The following SLMAP variants were observed in gnomAD, a reference collection of about 807,000 sequenced individuals.
SLMAP encodes sarcolemmal membrane-associated protein.
SLMAP carries 44 observed loss-of-function variants against 128.8 expected under a neutral mutation model. That is an observed-to-expected ratio of 0.34 (90% CI 0.27 to 0.44). The LOEUF is 0.44. Ranked by LOEUF, SLMAP falls within the 20% of genes least tolerant of loss-of-function variation. SLMAP has a pLI of 1.00. For missense variants in SLMAP, 787 were observed against 985.3 expected (o/e 0.80, Z 2.69); for synonymous variants, 327 against 348.8 (o/e 0.94, Z 0.70).
intron 17 of SLMAP, chr3:57,897,179 C>T: frequency 8.9e-7 from 1 of 1,124,452 alleles, no homozygotes. Context: ...ATATGAAATG[C>T]AGCTGTGTTT....
intron 2 of SLMAP, among the ~76,000 whole-genome samples, chr3:57,805,696 G>T (rs1189060852): frequency 6.6e-6 from 1 of 151,958 alleles, no homozygotes; most frequent in Admixed American, 6.6e-5. Flanking sequence ...CCCTATAGTC[G>T]CAAGTTCTCT....
At chr3:57,920,038 TGGAAAA>T (rs2096888193) in intron 22 of SLMAP, among the ~76,000 whole-genome samples, 1 of 151,928 alleles carries the variant, frequency 6.6e-6, no homozygotes, top group Non-Finnish European at 1.5e-5. Context: ...GTAAGAATGG[TGGAAAA>T]GGAAAGTAAG....
chr3:57,862,354 T>C (rs1467984145), intron 10 of SLMAP, among the ~76,000 whole-genome samples: 1 of 150,544 alleles, frequency 6.6e-6, no homozygotes, highest in Non-Finnish European at 1.5e-5. Flanking sequence ...CAAAAAACAG[T>C]TTGGGCCAGG....
At chr3:57,799,142 G>C (rs1486953357) in intron 2 of SLMAP, among the ~76,000 whole-genome samples, 1 of 152,178 alleles carries the variant, frequency 6.6e-6, no homozygotes, top group Non-Finnish European at 1.5e-5. Flanking sequence ...AAAGGTAGGA[G>C]TTTGCCACAG....
At chr3:57,914,442 A>G (rs1487140555) in intron 21 of SLMAP, among the ~76,000 whole-genome samples, 1 of 152,170 alleles carries the variant, frequency 6.6e-6, no homozygotes, top group Non-Finnish European at 1.5e-5. Context: ...ATTGTTTATA[A>G]GATGTAAAAA....
At chr3:57,914,124 G>T (rs1261740625) in intron 21 of SLMAP, among the ~76,000 whole-genome samples, 2 of 152,164 alleles carry the variant, frequency 1.3e-5, no homozygotes, top group African/African-American at 2.4e-5. Context: ...ATCAGTGAAT[G>T]CATTAGATTT....
At chr3:57,839,936 C>T (rs2093842602) in intron 3 of SLMAP, among the ~76,000 whole-genome samples, 1 of 152,288 alleles carries the variant, frequency 6.6e-6, no homozygotes, top group East Asian at 1.9e-4. Context: ...GATCTGCCCA[C>T]CTCAGCCTAC....
chr3:57,846,968 G>A (rs904302146), intron 4 of SLMAP, among the ~76,000 whole-genome samples: 7 of 152,112 alleles, frequency 4.6e-5, no homozygotes, highest in Non-Finnish European at 8.8e-5. Flanking sequence ...ATACATTTTG[G>A]ATTTGGAATT....
chr3:57,829,641 A>G (rs1032118291), intron 2 of SLMAP, among the ~76,000 whole-genome samples: 1 of 152,252 alleles, frequency 6.6e-6, no homozygotes, highest in Non-Finnish European at 1.5e-5. Context: ...TTTCTAATTA[A>G]TCGTCTGTAA....
At chr3:57,915,952 T>G (rs2153696764) in intron 21 of SLMAP, among the ~76,000 whole-genome samples, 1 of 152,130 alleles carries the variant, frequency 6.6e-6, no homozygotes, top group African/African-American at 2.4e-5. Context: ...AGGTCAGAAG[T>G]TCAACACCAG....
chr3:57,793,896 T>TA (rs76713113), intron 2 of SLMAP, among the ~76,000 whole-genome samples: 3,147 of 130,312 alleles, frequency 0.024, 108 homozygotes, highest in African/African-American at 0.071. Context: ...CTATCTTTCT[T>TA]AAAAAAAAAA....
chr3:57,891,974 A>T (rs2096085058), intron 15 of SLMAP, among the ~76,000 whole-genome samples: 1 of 152,194 alleles, frequency 6.6e-6, no homozygotes, highest in South Asian at 2.1e-4. Flanking sequence ...AGGGTCCATT[A>T]ATAAGGGTAT....
In SLMAP at chr3:57,757,641, G is replaced by A; in HGVS notation, c.-11G>A. ...GTCCCTGGTAGGAGAGACACCCCCA[G>A]TCTATCCTCGATGCCGTCAGCCTTG... On this transcript the variant is annotated 5_prime_UTR_variant, in exon 2 of 25. Transcript: ENST00000671191. 1 of 1,613,670 alleles carries A rather than the reference G, an allele frequency of 6.2e-7. No homozygotes were observed. Among genetic ancestry groups the A allele is most frequent in the Non-Finnish European group, 8.5e-7 (1 of 1,179,906 alleles).
intron 21 of SLMAP, among the ~76,000 whole-genome samples, chr3:57,913,680 G>A (rs2096747470): frequency 6.6e-6 from 1 of 152,130 alleles, no homozygotes; most frequent in Non-Finnish European, 1.5e-5. Flanking sequence ...TGTAAGGCTG[G>A]GCGTGGTGGT....
Position 57,871,675 on chromosome 3 carries a change from T to A in SLMAP, c.1277T>A (p.Ile426Asn). The change falls in exon 14 of 25, where the codon ATT (isoleucine) becomes AAT (asparagine). Residue 426 changes from isoleucine (I) to asparagine (N), a missense_variant. Physicochemically the swap from Ile to Asn is moderately radical, Grantham distance 149 (BLOSUM62 -3). Transcript: ENST00000671191. ...LSKSGGDCTFIHQFIECQKKL... is the reference protein window; with the variant it reads ...LSKSGGDCTFNHQFIECQKKL... ...AAGAGTGGCGGGGACTGCACTTTTA[T>A]TCATCAATTCATAGAATGCCAGAGT... The A allele has an allele frequency of 3.1e-6, 5 of 1,612,702 alleles. No homozygotes were observed. Among genetic ancestry groups the A allele is most frequent in the Non-Finnish European group, 4.2e-6 (5 of 1,178,854 alleles).
chr3:57,849,804 T>A lies in SLMAP; in HGVS notation c.507T>A (p.Ser169=). 6.4e-7 allele frequency: 1 copy of A among 1,550,624 alleles called. No homozygotes were observed. Among genetic ancestry groups the A allele is most frequent in the Non-Finnish European group, 8.9e-7 (1 of 1,122,158 alleles). The change falls in exon 6 of 25, where the codon TCT becomes TCA. Residue 169 remains serine, a synonymous_variant. Transcript: ENST00000671191. ...SMYSQELFQL[S]QYLQEALHRE... The stretch of plus-strand genomic sequence containing the variant: ...ACTCTCAGGAACTATTCCAGCTTTC[T>A]CAGTATCTACAGGTAAAAGTACATC...
chr3:57,868,462 G>C (rs2153611176), intron 13 of SLMAP, among the ~76,000 whole-genome samples: 1 of 150,102 alleles, frequency 6.7e-6, no homozygotes, highest in Non-Finnish European at 1.5e-5. Context: ...GTGGTGGCAT[G>C]TGCCTGTAAT....
intron 19 of SLMAP, among the ~76,000 whole-genome samples, chr3:57,910,014 T>G (rs2153686726): frequency 6.6e-6 from 1 of 152,090 alleles, no homozygotes; most frequent in African/African-American, 2.4e-5. Context: ...TTGGAGTTGG[T>G]AAGACTGTCA....
At chr3:57,859,233 A>G (rs1227038185) in intron 8 of SLMAP, among the ~76,000 whole-genome samples, 5 of 149,674 alleles carry the variant, frequency 3.3e-5, no homozygotes, top group African/African-American at 9.8e-5. Flanking sequence ...CTGAGACAGA[A>G]TTGCTTAAAC....
Sources: gnomAD v4.1 joint callset for allele counts (sites outside exome capture counted in the v4.1 genomes callset) on GRCh38, gnomAD v4.1.1 for gene constraint, MANE v1.5 for transcripts, NCBI Gene and HGNC (gene_info 2026-07-23, HGNC 2026-07-21) for gene names.